Variants in CSMD1 observed in about 807,000 individuals in gnomAD.
CSMD1 encodes the protein CUB and Sushi multiple domains 1.
CSMD1 carries 213 observed loss-of-function variants against 417.5 expected under a neutral mutation model. The observed-to-expected ratio is 0.51, with a 90% confidence interval of 0.46 to 0.57. The LOEUF is 0.57. Ranked by LOEUF, CSMD1 falls within the 20% of genes least tolerant of loss-of-function variation. The probability of loss-of-function intolerance (pLI) is 0.00; values close to 1 mark genes in which losing one functional copy is unlikely to be tolerated. For missense variants in CSMD1, 6,923 were observed against 4,529.7 expected (o/e 1.53, Z -15.17); for synonymous variants, 2,862 against 1,736.8 (o/e 1.65, Z -16.11).
chr8:3,978,220 A>T (rs1468135735), intron 5 of CSMD1, among the ~76,000 whole-genome samples: 2 of 152,178 alleles, frequency 1.3e-5, no homozygotes, highest in Non-Finnish European at 2.9e-5. Flanking sequence ...GCTGTGTGCT[A>T]GGATTCCCAG....
intron 3 of CSMD1, among the ~76,000 whole-genome samples, chr8:4,188,681 A>T (rs1798829721): frequency 6.6e-6 from 1 of 152,160 alleles, no homozygotes; most frequent in South Asian, 2.1e-4. Context: ...TAGTCTTTTA[A>T]CCTTTATAAA....
At chr8:4,037,355 C>G (rs1469436455) in intron 3 of CSMD1, among the ~76,000 whole-genome samples, 1 of 152,202 alleles carries the variant, frequency 6.6e-6, no homozygotes, top group Non-Finnish European at 1.5e-5. Context: ...GAAGTGAGCA[C>G]TTGCTGTAAC....
At chr8:3,588,117 C>T (rs914169057) in intron 8 of CSMD1, among the ~76,000 whole-genome samples, 2 of 150,010 alleles carry the variant, frequency 1.3e-5, no homozygotes, top group Non-Finnish European at 2.9e-5. Context: ...GTTTTCTATT[C>T]CAGGTATCAG....
chr8:3,305,405 G>C (rs1025682883), intron 25 of CSMD1, among the ~76,000 whole-genome samples: 5 of 151,748 alleles, frequency 3.3e-5, no homozygotes, highest in Non-Finnish European at 7.4e-5. Context: ...TGCCATTGTA[G>C]CCATATTGAA....
chr8:3,609,519 C>A (rs542201650), intron 8 of CSMD1, among the ~76,000 whole-genome samples: 24 of 152,032 alleles, frequency 1.6e-4, no homozygotes, highest in Non-Finnish European at 3.2e-4. Context: ...TTTAGGTTGT[C>A]TACGGAAAAG....
chr8:4,882,334 T>A (rs1181734474), intron 1 of CSMD1, among the ~76,000 whole-genome samples: 2 of 151,646 alleles, frequency 1.3e-5, no homozygotes, highest in African/African-American at 2.4e-5. Context: ...TCCTGACATG[T>A]CGCCTGCTTG....
chr8:3,141,899 G>C (rs573839436), intron 41 of CSMD1, among the ~76,000 whole-genome samples: 3 of 150,910 alleles, frequency 2.0e-5, no homozygotes, highest in Admixed American at 6.6e-5. Flanking sequence ...CCGGGTTCAC[G>C]CCACTCTCCT....
chr8:4,271,069 G>A (rs544071648), intron 3 of CSMD1, among the ~76,000 whole-genome samples: 3 of 152,154 alleles, frequency 2.0e-5, no homozygotes, highest in East Asian at 1.9e-4. Context: ...GGTGCAGAAA[G>A]TTCAGAATGT....
At chr8:3,146,801 T>C (rs990302938) in intron 40 of CSMD1, among the ~76,000 whole-genome samples, 4 of 152,198 alleles carry the variant, frequency 2.6e-5, no homozygotes, top group South Asian at 2.1e-4. Flanking sequence ...TAATCGCTTT[T>C]GCTTATTTAA....
At chr8:3,724,341 C>A (rs1033447148) in intron 6 of CSMD1, among the ~76,000 whole-genome samples, 1 of 151,882 alleles carries the variant, frequency 6.6e-6, no homozygotes, top group Non-Finnish European at 1.5e-5. Flanking sequence ...AATGCTATCC[C>A]GGGTTTTTGT....
At chr8:3,443,871 A>G (rs574747583) in intron 12 of CSMD1, among the ~76,000 whole-genome samples, 3 of 152,268 alleles carry the variant, frequency 2.0e-5, no homozygotes, top group African/African-American at 7.2e-5. Flanking sequence ...TTGCTTTCAA[A>G]TTTTTCACGT....
chr8:3,731,398 T>C (rs965977738), intron 6 of CSMD1, among the ~76,000 whole-genome samples: 2 of 152,208 alleles, frequency 1.3e-5, no homozygotes, highest in Non-Finnish European at 2.9e-5. Flanking sequence ...GTTGCTTGTC[T>C]TGGTAAGAGT....
intron 3 of CSMD1, among the ~76,000 whole-genome samples, chr8:4,175,419 C>A (rs151036352): frequency 1.3e-5 from 2 of 151,940 alleles, no homozygotes; most frequent in Admixed American, 1.3e-4. Flanking sequence ...TATTGTTCAA[C>A]GGAATATGTT....
intron 9 of CSMD1, among the ~76,000 whole-genome samples, chr8:3,584,054 A>G (rs1002477416): frequency 9.2e-5 from 14 of 152,132 alleles, no homozygotes; most frequent in South Asian, 2.1e-4. Context: ...TTCCAGCAGT[A>G]TAAGTCATTA....
At chr8:4,060,382 A>T (rs899617063) in intron 3 of CSMD1, among the ~76,000 whole-genome samples, 1 of 152,220 alleles carries the variant, frequency 6.6e-6, no homozygotes, top group African/African-American at 2.4e-5. Context: ...GCAAACTGGC[A>T]CAAGACAGGG....
At chr8:4,164,385 C>T (rs1363643362) in intron 3 of CSMD1, among the ~76,000 whole-genome samples, 4 of 152,082 alleles carry the variant, frequency 2.6e-5, no homozygotes, top group Non-Finnish European at 5.9e-5. Flanking sequence ...ACAGAGAACA[C>T]TTACACATTC....
At chr8:3,218,559 T>TAAA (rs1798014600) in intron 29 of CSMD1, among the ~76,000 whole-genome samples, 1 of 85,264 alleles carries the variant, frequency 1.2e-5, no homozygotes, top group African/African-American at 4.5e-5. Context: ...AGACTCCATC[T>TAAA]CAAAAATAAA....
intron 2 of CSMD1, among the ~76,000 whole-genome samples, chr8:4,456,819 C>T (rs546330026): frequency 2.0e-5 from 3 of 152,094 alleles, no homozygotes; most frequent in South Asian, 2.1e-4. Flanking sequence ...GAAGGCTGAG[C>T]CAGTGGGTAC....
chr8:4,829,832 C>T (rs532798897), intron 1 of CSMD1, among the ~76,000 whole-genome samples: 8 of 151,968 alleles, frequency 5.3e-5, no homozygotes, highest in East Asian at 3.9e-4. Flanking sequence ...AGTCAGTGAT[C>T]GCTTTACCTT....
Sources: allele counts gnomAD v4.1 joint callset (sites outside exome capture counted in the v4.1 genomes callset), GRCh38; gene constraint gnomAD v4.1.1; transcripts MANE v1.5; gene names NCBI Gene and HGNC (gene_info 2026-07-23, HGNC 2026-07-21).